Variants in RORA observed in about 807,000 individuals in gnomAD.
RORA encodes the protein RAR related orphan receptor A.
A neutral mutation model predicts 69.5 loss-of-function variants in RORA; 7 were observed. The observed-to-expected ratio is 0.10, with a 90% confidence interval of 0.06 to 0.19. The LOEUF (loss-of-function observed/expected upper bound fraction) is 0.19. RORA is among the 10% of genes least tolerant of loss of function. RORA has a pLI of 1.00. For missense variants in RORA, 457 were observed against 663.0 expected, an observed-to-expected ratio of 0.69 and a Z score of 3.41; for synonymous variants, 261 against 240.8, an observed-to-expected ratio of 1.08 and a Z score of -0.78.
chr15:60,626,837 C>A (rs560651393), intron 2 of RORA, among the ~76,000 whole-genome samples: 2 of 152,322 alleles, frequency 1.3e-5, no homozygotes, highest in East Asian at 3.9e-4. Context: ...TCACTCACCA[C>A]CATTGGGCTC....
At chr15:60,503,783 T>A in intron 6 of RORA, 116 bp from the exon 7 acceptor site, 7 of 1,193,336 alleles carry the variant, frequency 5.9e-6, no homozygotes, top group Non-Finnish European at 8.2e-6. Context: ...CCACGAAGAG[T>A]GGCAAAGTGG....
At chr15:60,507,479 C>T (rs2141296147) in intron 5 of RORA, among the ~76,000 whole-genome samples, 1 of 152,014 alleles carries the variant, frequency 6.6e-6, no homozygotes, top group East Asian at 1.9e-4. Flanking sequence ...CACATAGACA[C>T]TAAAACAGCA....
chr15:61,067,968 G>A (rs1440859657), intron 1 of RORA, among the ~76,000 whole-genome samples: 1 of 152,200 alleles, frequency 6.6e-6, no homozygotes, highest in East Asian at 1.9e-4. Flanking sequence ...TGGCCAGAGG[G>A]TCAGAGATAT....
intron 1 of RORA, among the ~76,000 whole-genome samples, chr15:60,772,286 G>C (rs1042668252): frequency 6.6e-6 from 1 of 152,068 alleles, no homozygotes; most frequent in Admixed American, 6.6e-5. Context: ...TCAGTTCAAG[G>C]TGGGATTTTT....
intron 1 of RORA, among the ~76,000 whole-genome samples, chr15:60,950,622 A>T (rs1473071150): frequency 8.1e-6 from 1 of 122,834 alleles, no homozygotes; most frequent in Admixed American, 9.0e-5. Context: ...AAACAAAAAA[A>T]GGCAGGGGTT....
chr15:60,883,140 A>AAAC (rs2073707065), intron 1 of RORA, among the ~76,000 whole-genome samples: 1 of 88,236 alleles, frequency 1.1e-5, no homozygotes, highest in Non-Finnish European at 2.4e-5. Flanking sequence ...CAAAAAAAAA[A>AAAC]AAAAAAAAAA....
At chr15:60,874,108 G>C (rs1486783644) in intron 1 of RORA, among the ~76,000 whole-genome samples, 1 of 151,994 alleles carries the variant, frequency 6.6e-6, no homozygotes, top group African/African-American at 2.4e-5. Flanking sequence ...TTTGGCTCAA[G>C]AAAATTGATA....
At chr15:61,142,047 G>C (rs1045331411) in intron 1 of RORA, among the ~76,000 whole-genome samples, 7 of 150,792 alleles carry the variant, frequency 4.6e-5, no homozygotes, top group East Asian at 2.0e-4. Flanking sequence ...AAGGAACTAA[G>C]ACAGCAGTTA....
chr15:61,069,771 G>A (rs1053840858), intron 1 of RORA, among the ~76,000 whole-genome samples: 2 of 152,054 alleles, frequency 1.3e-5, no homozygotes, highest in Non-Finnish European at 2.9e-5. Flanking sequence ...ATCTCCTCTT[G>A]AAATTTTAGG....
chr15:61,070,220 C>G (rs2140588107), intron 1 of RORA, among the ~76,000 whole-genome samples: 1 of 152,312 alleles, frequency 6.6e-6, no homozygotes, highest in Admixed American at 6.5e-5. Flanking sequence ...CCACACCTCT[C>G]TGATGTGCAA....
In RORA at chr15:61,226,848, G is replaced by A. The variant is rs192945353; in HGVS notation, c.166+2205C>T. On this transcript the variant is annotated intron_variant, in intron 1 of 10. Transcript: ENST00000335670. The surrounding 1 kb of genome is among the most constrained non-coding windows in gnomAD (Gnocchi z 4.2). ...TAAATCTTCCAGGAGGGACAGACAG[G>A]GGCTGGTTCAAAGAATGAGTTGGGG... 2.0e-5 allele frequency among the ~76,000 whole-genome samples: 3 copies of A among 152,122 alleles called. No individual in the cohort carries two copies. Among genetic ancestry groups the A allele is most frequent in the Admixed American group, 2.0e-4 (3 of 15,280 alleles).
At chr15:61,041,528 A>G (rs1896770749) in intron 1 of RORA, among the ~76,000 whole-genome samples, 1 of 152,118 alleles carries the variant, frequency 6.6e-6, no homozygotes, top group South Asian at 2.1e-4. Context: ...AGGGGGTGGA[A>G]ATTCATTGGT....
chr15:60,740,842 G>A (rs1238139274), intron 1 of RORA, among the ~76,000 whole-genome samples: 1 of 152,172 alleles, frequency 6.6e-6, no homozygotes, highest in Non-Finnish European at 1.5e-5. Flanking sequence ...TACTGAAGGA[G>A]CTAGCAGAAT....
chr15:60,930,318 G>A (rs1892338731), intron 1 of RORA, among the ~76,000 whole-genome samples: 1 of 152,072 alleles, frequency 6.6e-6, no homozygotes, highest in African/African-American at 2.4e-5. Flanking sequence ...TTCTAAACAG[G>A]AAGAGGGAGG....
intron 2 of RORA, among the ~76,000 whole-genome samples, chr15:60,589,638 G>A (rs545366869): frequency 6.6e-6 from 1 of 152,144 alleles, no homozygotes; most frequent in Non-Finnish European, 1.5e-5. Flanking sequence ...AAAATTGAAG[G>A]ATGAGACTAG....
intron 1 of RORA, among the ~76,000 whole-genome samples, chr15:60,901,380 C>T (rs1361308836): frequency 6.6e-6 from 1 of 152,154 alleles, no homozygotes. Flanking sequence ...CCATGCTGGC[C>T]AGGCCAGTCT....
intron 1 of RORA, among the ~76,000 whole-genome samples, chr15:61,144,487 C>T (rs2079327929): frequency 6.6e-6 from 1 of 152,188 alleles, no homozygotes; most frequent in Non-Finnish European, 1.5e-5. Context: ...ATCTGGGAAG[C>T]TCAGCACAGC....
At chr15:61,212,742 T>C (rs1011659586) in intron 1 of RORA, among the ~76,000 whole-genome samples, 1 of 152,166 alleles carries the variant, frequency 6.6e-6, no homozygotes, top group South Asian at 2.1e-4. Context: ...CAAGTCCCAA[T>C]CCACTTTTGT....
chr15:61,207,948 C>T (rs142038242), intron 1 of RORA, among the ~76,000 whole-genome samples: 6 of 152,356 alleles, frequency 3.9e-5, no homozygotes, highest in African/African-American at 1.4e-4. Context: ...ATAGTTACTA[C>T]ATAGCTGCTT....
Sources: allele counts gnomAD v4.1 joint callset (sites outside exome capture counted in the v4.1 genomes callset), GRCh38; gene constraint gnomAD v4.1.1; non-coding constraint Gnocchi (gnomAD v3.1); transcripts MANE v1.5; gene names NCBI Gene and HGNC (gene_info 2026-07-23, HGNC 2026-07-21).